KCNIP4: variants seen among roughly 807,000 people sequenced by gnomAD.
KCNIP4 encodes Kv channel-interacting protein 4.
A neutral mutation model predicts 34.0 loss-of-function variants in KCNIP4; 12 were observed. The observed-to-expected ratio is 0.35, with a 90% CI of 0.23 to 0.57. The LOEUF is 0.57. Among genes scored for constraint, KCNIP4 ranks in the 20% least tolerant of loss-of-function variants. The probability of loss-of-function intolerance (pLI) is 0.83; values close to 1 mark genes in which losing one functional copy is unlikely to be tolerated. For missense variants in KCNIP4, 238 were observed against 311.7 expected, an observed-to-expected ratio of 0.76 and a Z score of 1.78; for synonymous variants, 124 against 102.2, an observed-to-expected ratio of 1.21 and a Z score of -1.29.
chr4:21,369,508 G>T (rs1560336288), intron 1 of KCNIP4, among the ~76,000 whole-genome samples: 1 of 146,634 alleles, frequency 6.8e-6, no homozygotes, highest in Non-Finnish European at 1.5e-5. Flanking sequence ...AAAGTGGGAG[G>T]GTCTCAGGAA....
intron 1 of KCNIP4, among the ~76,000 whole-genome samples, chr4:21,112,041 C>CTATCTATCTATCTATCTATCTATCTATA (rs1749242855): frequency 1.1e-4 from 17 of 151,642 alleles, no homozygotes; most frequent in African/African-American, 4.1e-4. Context: ...ATCTATCTAT[C>CTATCTATCTATCTATCTATCTATCTATA]TATCTATCTA....
intron 2 of KCNIP4, among the ~76,000 whole-genome samples, chr4:20,853,706 C>T (rs899581338): frequency 6.6e-6 from 1 of 152,016 alleles, no homozygotes; most frequent in South Asian, 2.1e-4. Flanking sequence ...GCAGAGTAAA[C>T]AGACAACCCA....
intron 1 of KCNIP4, among the ~76,000 whole-genome samples, chr4:21,501,729 C>CA (rs1053033965): frequency 2.1e-5 from 1 of 48,550 alleles, no homozygotes; most frequent in Admixed American, 2.0e-4. Context: ...TTGGAAGGGG[C>CA]AGTTTATATG....
At chr4:21,849,419 C>A (rs1400928458) in intron 1 of KCNIP4, 1 of 152,026 alleles carries the variant, frequency 6.6e-6, no homozygotes, top group Non-Finnish European at 1.5e-5. Flanking sequence ...TCTTTGCAAT[C>A]TGCAAATCAG....
chr4:21,255,570 C>A (rs897258696), intron 1 of KCNIP4, among the ~76,000 whole-genome samples: 7 of 151,068 alleles, frequency 4.6e-5, no homozygotes, highest in Non-Finnish European at 1.0e-4. Flanking sequence ...TCTTTGTTTT[C>A]TTTTTCTTTT....
intron 3 of KCNIP4, among the ~76,000 whole-genome samples, chr4:20,839,935 A>G (rs1036202591): frequency 6.6e-6 from 1 of 152,188 alleles, no homozygotes; most frequent in Admixed American, 6.5e-5. Flanking sequence ...CTGTCCTTAG[A>G]AAGGCCTGCT....
At chr4:20,825,225 G>GTTTTTTTTTTTTTT (rs71181592) in intron 3 of KCNIP4, among the ~76,000 whole-genome samples, 3 of 113,632 alleles carry the variant, frequency 2.6e-5, no homozygotes, top group South Asian at 3.1e-4. Flanking sequence ...TCAATTTTAC[G>GTTTTTTTTTTTTTT]TTTTTTTTTT....
At chr4:21,417,172 G>C (rs923229621) in intron 1 of KCNIP4, among the ~76,000 whole-genome samples, 14 of 152,046 alleles carry the variant, frequency 9.2e-5, no homozygotes, top group African/African-American at 3.4e-4. Context: ...GTAGACATAG[G>C]GAATCCATAT....
chr4:20,970,655 C>A (rs1257419787), intron 1 of KCNIP4, among the ~76,000 whole-genome samples: 1 of 152,166 alleles, frequency 6.6e-6, no homozygotes, highest in Non-Finnish European at 1.5e-5. Flanking sequence ...GTGCCGAAGA[C>A]AGCACACAAC....
chr4:21,387,088 C>G (rs1455101895), intron 1 of KCNIP4, among the ~76,000 whole-genome samples: 1 of 152,128 alleles, frequency 6.6e-6, no homozygotes. Flanking sequence ...AGACTTAGAA[C>G]ATGTTATCTT....
intron 1 of KCNIP4, among the ~76,000 whole-genome samples, chr4:21,217,030 A>G (rs1268042654): frequency 6.6e-6 from 1 of 152,188 alleles, no homozygotes; most frequent in East Asian, 1.9e-4. Context: ...ACTACTATGC[A>G]TCTGGTAGTG....
chr4:21,896,748 G>T (rs1727410551), intron 1 of KCNIP4, among the ~76,000 whole-genome samples: 1 of 151,864 alleles, frequency 6.6e-6, no homozygotes, highest in African/African-American at 2.4e-5. Context: ...GTGAAAACCT[G>T]TCTCTACTAA....
At chr4:21,273,679 G>C (rs564296865) in intron 1 of KCNIP4, among the ~76,000 whole-genome samples, 2 of 152,086 alleles carry the variant, frequency 1.3e-5, no homozygotes, top group Non-Finnish European at 2.9e-5. Flanking sequence ...AAATTGCAGA[G>C]CTTCTAAATT....
intron 1 of KCNIP4, among the ~76,000 whole-genome samples, chr4:21,133,102 T>C (rs1751211791): frequency 6.6e-6 from 1 of 152,162 alleles, no homozygotes; most frequent in Admixed American, 6.5e-5. Flanking sequence ...TCATTGCTAA[T>C]GATTATTACA....
rs111639264 is a variant in KCNIP4 at position 21,387,840 on chromosome 4, C to A, written c.62-505131G>T. 2.6e-5 allele frequency among the ~76,000 whole-genome samples: 4 copies of A among 152,202 alleles called. No homozygotes were observed. The East Asian group carries it at 7.7e-4, about 29-fold the overall frequency. On this transcript the variant is annotated intron_variant, in intron 1 of 8. Coordinates refer to ENST00000382152, the MANE Select transcript of KCNIP4 (RefSeq NM_025221.6). ...AAATACTTTGTACTCACAAGCATTG[C>A]GAAATGTCAGCCATTGTCAAAGTAC...
At chr4:21,667,907 T>A (rs1439876702) in intron 1 of KCNIP4, among the ~76,000 whole-genome samples, 2 of 152,196 alleles carry the variant, frequency 1.3e-5, no homozygotes, top group Non-Finnish European at 2.9e-5. Context: ...CTCTGCAGCA[T>A]CTTCTAGTTT....
chr4:21,756,404 A>C (rs1294579386), intron 1 of KCNIP4, among the ~76,000 whole-genome samples: 2 of 152,066 alleles, frequency 1.3e-5, no homozygotes, highest in Admixed American at 1.3e-4. Context: ...AAATACAAAA[A>C]TTATCCGGGT....
chr4:21,230,507 C>T (rs913956933), intron 1 of KCNIP4, among the ~76,000 whole-genome samples: 4 of 152,118 alleles, frequency 2.6e-5, no homozygotes, highest in Admixed American at 1.3e-4. Context: ...TCTCCCTAAT[C>T]CCCTGACAGG....
chr4:21,347,462 A>G (rs1717567556), intron 1 of KCNIP4, among the ~76,000 whole-genome samples: 2 of 152,154 alleles, frequency 1.3e-5, no homozygotes, highest in Admixed American at 6.5e-5. Context: ...GTATTCCATG[A>G]GTTGAACTCA....
Sources: gnomAD v4.1 joint callset for allele counts (sites outside exome capture counted in the v4.1 genomes callset) on GRCh38, gnomAD v4.1.1 for gene constraint, MANE v1.5 for transcripts, NCBI Gene and HGNC (gene_info 2026-07-23, HGNC 2026-07-21) for gene names.